The following PCAT7 variants were observed in gnomAD, a reference collection of about 807,000 sequenced individuals.
PCAT7 encodes prostate cancer associated transcript 7 (non-protein coding).
intron 2 of PCAT7, among the ~76,000 whole-genome samples, chr9:94,564,904 A>G (rs2131443980): frequency 6.6e-6 from 1 of 152,332 alleles, no homozygotes; most frequent in South Asian, 2.1e-4. Flanking sequence ...ACAATAATAT[A>G]TGACATATTT....
chr9:94,567,146 A>C, intron 2 of PCAT7: 1 of 937,614 alleles, frequency 1.1e-6, no homozygotes, highest in Non-Finnish European at 1.7e-6. Context: ...CATCATCTTC[A>C]TACTGACCAC....
rs780120443 is a variant in PCAT7 at position 94,567,251 on chromosome 9, C to T, written n.442-5728C>T. The T allele has an allele frequency of 2.5e-6, 4 of 1,613,760 alleles. No homozygotes were observed. In the East Asian group the frequency reaches 6.7e-5, roughly 27 times the overall value. On this transcript the variant is annotated intron_variant and non_coding_transcript_variant, in intron 2 of 8. Coordinates refer to ENST00000647389, the Ensembl canonical transcript of PCAT7. The stretch of plus-strand genomic sequence containing the variant: ...GGGACAGCATTCTGTCTGCCACCCA[C>T]CTGGCTTTCTTCACTCACCTCAGGG...
At chr9:94,566,998 G>C (rs1015388988) in intron 2 of PCAT7, among the ~76,000 whole-genome samples, 4 of 152,154 alleles carry the variant, frequency 2.6e-5, no homozygotes, top group Non-Finnish European at 5.9e-5. Context: ...CGTGAGCTCT[G>C]AATTTTGTAA....
At chr9:94,562,895 C>T (rs1827130006) in intron 2 of PCAT7, among the ~76,000 whole-genome samples, 1 of 152,322 alleles carries the variant, frequency 6.6e-6, no homozygotes, top group East Asian at 1.9e-4. Flanking sequence ...GGGCGGACTT[C>T]AGGGCATCAG....
intron 3 of PCAT7, among the ~76,000 whole-genome samples, chr9:94,573,406 G>A (rs1827287993): frequency 6.6e-6 from 1 of 152,100 alleles, no homozygotes; most frequent in African/African-American, 2.4e-5. Context: ...CTACGGGTAT[G>A]CACTACCACC....
At chr9:94,561,916 A>G (rs965474) in intron 2 of PCAT7, among the ~76,000 whole-genome samples, 91,610 of 152,010 alleles carry the variant, frequency 0.6, 27,852 homozygotes, top group Admixed American at 0.72. Flanking sequence ...ATCCCATGTG[A>G]GTATTTTCTG....
At chr9:94,554,599 C>G (rs1826975923), upstream of PCAT7, among the ~76,000 whole-genome samples, 1 of 151,624 alleles carries the variant, frequency 6.6e-6, no homozygotes, top group Non-Finnish European at 1.5e-5. Context: ...GAGCTGCGGT[C>G]TCTGATTTCA....
chr9:94,560,774 T>A (rs1246098565), intron 2 of PCAT7, among the ~76,000 whole-genome samples: 1 of 148,336 alleles, frequency 6.7e-6, no homozygotes, highest in Non-Finnish European at 1.5e-5. Flanking sequence ...TGTTATTATA[T>A]ATTTTTTCTA....
At chr9:94,571,400 G>C in intron 2 of PCAT7, 2 of 1,462,508 alleles carry the variant, frequency 1.4e-6, no homozygotes, top group South Asian at 2.8e-5. Context: ...CAGAGAACTG[G>C]CATTAAGGCA....
rs555438974 is a variant in PCAT7 at position 94,567,692 on chromosome 9, A to G, written n.442-5287A>G. 5.3e-4 allele frequency: 186 copies of G among 354,178 alleles called. 1 individual carries two copies. Among genetic ancestry groups the G allele is most frequent in the South Asian group, 1.4e-3 (22 of 15,508 alleles). The allele number at this position is 354,178 out of a possible 1,614,324, so 21.9% of individuals were successfully genotyped here. ...CTTTTCCTGTGCATCTTCCACTGTC[A>G]GTGAGGCTCCTCATTTATGGTGAAC... On this transcript the variant is annotated intron_variant and non_coding_transcript_variant, in intron 2 of 8. Coordinates refer to ENST00000647389, the Ensembl canonical transcript of PCAT7.
At chr9:94,565,368 CAAAA>C (rs369180827) in intron 2 of PCAT7, among the ~76,000 whole-genome samples, 2 of 46,554 alleles carry the variant, frequency 4.3e-5, no homozygotes, top group Non-Finnish European at 9.3e-5. Context: ...GACTCCACCT[CAAAA>C]AAAAAAAAAA....
intron 2 of PCAT7, chr9:94,569,376 T>TA (rs1220149049): frequency 6.6e-6 from 1 of 152,196 alleles, no homozygotes; most frequent in African/African-American, 2.4e-5. Context: ...AGTAACTCCT[T>TA]TCACTTAATT....
chr9:94,567,260 C>T, intron 2 of PCAT7: 2 of 1,614,036 alleles, frequency 1.2e-6, no homozygotes, highest in South Asian at 1.1e-5. Flanking sequence ...ACCTGGCTTT[C>T]TTCACTCACC....
intron 1 of PCAT7, among the ~76,000 whole-genome samples, chr9:94,558,170 A>G (rs901146572): frequency 2.6e-5 from 4 of 152,232 alleles, no homozygotes; most frequent in African/African-American, 9.6e-5. Flanking sequence ...TTCTAACTCA[A>G]GTTTATCCAA....
rs186434483 is a variant in PCAT7, at chr9:94,556,987, C to A, written n.257+1677C>A. Among the ~76,000 whole-genome samples the A allele has an allele frequency of 2.7e-4, 41 of 152,202 alleles. No homozygotes were observed. In the South Asian group the frequency reaches 5.8e-3, roughly 22 times the overall value. On this transcript the variant is annotated intron_variant and non_coding_transcript_variant, in intron 1 of 8. Transcript: ENST00000647389. ...GGGCCTTTGTTAAAAATGAGTTGACCGTAAACGCGTGAATTTATTTCTGAT... is the reference window on the plus strand; with the variant it reads ...GGGCCTTTGTTAAAAATGAGTTGACAGTAAACGCGTGAATTTATTTCTGAT...
intron 2 of PCAT7, chr9:94,570,877 T>C (rs1484800882): frequency 1.3e-5 from 2 of 152,252 alleles, no homozygotes; most frequent in Admixed American, 6.5e-5. Flanking sequence ...CTCCGCTGTC[T>C]GGAGTGGTGC....
At chr9:94,560,960 G>T (rs886869329) in intron 2 of PCAT7, among the ~76,000 whole-genome samples, 5 of 151,964 alleles carry the variant, frequency 3.3e-5, no homozygotes, top group Admixed American at 6.6e-5. Flanking sequence ...GTGTCCAGAA[G>T]GGTGTAAAAA....
chr9:94,560,655 A>C (rs967064335), intron 2 of PCAT7, among the ~76,000 whole-genome samples: 18 of 150,684 alleles, frequency 1.2e-4, no homozygotes, highest in African/African-American at 4.4e-4. Context: ...TACTTTGAGA[A>C]AGAGTCATAT....
At chr9:94,564,387 A>G (rs1048284846) in intron 2 of PCAT7, among the ~76,000 whole-genome samples, 1 of 152,228 alleles carries the variant, frequency 6.6e-6, no homozygotes, top group Admixed American at 6.5e-5. Context: ...ACTATTCACA[A>G]TAGCAAAGAT....
Sources: gnomAD v4.1 joint callset for allele counts (sites outside exome capture counted in the v4.1 genomes callset) on GRCh38, gnomAD v4.1.1 for gene constraint, MANE v1.5 for transcripts, NCBI Gene and HGNC (gene_info 2026-07-23, HGNC 2026-07-21) for gene names.